Variants in TMEM132C observed in about 807,000 individuals in gnomAD.
TMEM132C encodes transmembrane protein 132C, also known as protein phosphatase 1, regulatory subunit 152.
Under a neutral mutation model 61.4 loss-of-function variants are expected in TMEM132C, and 29 were observed. The ratio of observed to expected loss-of-function variants is 0.47; its 90% CI spans 0.35 to 0.64. TMEM132C has a LOEUF of 0.64. Among genes scored for constraint, TMEM132C ranks in the 30% least tolerant of loss-of-function variants. TMEM132C has a pLI of 0.00. For synonymous variants in TMEM132C, 656 were observed against 633.1 expected, an observed-to-expected ratio of 1.04 and a Z score of -0.54; for missense variants, 1,408 against 1,476.9, an observed-to-expected ratio of 0.95 and a Z score of 0.76.
chr12:128,478,217 G>A (rs891485977), intron 2 of TMEM132C, among the ~76,000 whole-genome samples: 3 of 152,280 alleles, frequency 2.0e-5, no homozygotes, highest in Admixed American at 6.5e-5. Context: ...ATGCTCATTC[G>A]AGATGATTAT....
At position 128,429,515 on chromosome 12, in the gene TMEM132C, G is replaced by A. The variant is rs1435739255; in HGVS notation, c.974+13895G>A. On this transcript the variant is annotated intron_variant, in intron 2 of 8. Coordinates refer to ENST00000435159, the MANE Select transcript of TMEM132C (RefSeq NM_001136103.3). ...AGAGCTCTCTGCTGGGAACCTGGCA[G>A]CCTTTCCTGACAATGCAAGGAGCTC... is the stretch of plus-strand genomic sequence containing the variant. Among the ~76,000 whole-genome samples, 3 of 152,156 alleles carry A rather than the reference G, an allele frequency of 2.0e-5. No homozygotes were observed. In the East Asian group the frequency reaches 5.8e-4, roughly 29 times the overall value.
chr12:128,705,759 C>T lies in TMEM132C; in HGVS notation c.2791C>T (p.Leu931=). Residue 931 remains leucine, a synonymous_variant, in exon 9 of 9, where the codon CTG becomes TTG. Transcript: ENST00000435159. ...SDLEIGMYAL[L]GVFCLAILVF... is the part of the protein sequence containing the mutation. ...TCTGGAGATAGGGATGTACGCCCTC[C>T]TGGGGGTGTTCTGCCTGGCCATCCT... is the stretch of plus-strand genomic sequence containing the variant. 1.3e-6 allele frequency: 2 copies of T among 1,551,506 alleles called. No individual in the cohort carries two copies. Among genetic ancestry groups the T allele is most frequent in the Non-Finnish European group, 1.7e-6 (2 of 1,147,002 alleles).
intron 2 of TMEM132C, among the ~76,000 whole-genome samples, chr12:128,520,025 C>T (rs928426939): frequency 1.3e-5 from 2 of 152,224 alleles, no homozygotes; most frequent in African/African-American, 4.8e-5. Context: ...ACTTAAGCCC[C>T]TCTCATATCA....
rs986648893 is a variant in TMEM132C, at chr12:128,663,948, G to GCA, written c.1306-5460_1306-5459dup. ...TGCACGCACGCGGACACTCACACAG[G>GCA]CACACACACATACAGGCACATGCAC... On this transcript the variant is annotated intron_variant, in intron 4 of 8. Coordinates refer to ENST00000435159, the MANE Select transcript of TMEM132C (RefSeq NM_001136103.3). Among the ~76,000 whole-genome samples the GCA allele has an allele frequency of 8.8e-3, 781 of 89,112 alleles. 12 individuals are homozygous for GCA. The highest frequency in any genetic ancestry group is 0.03 in the African/African-American group (698 of 23,228). The allele number at this position is 89,112 out of a possible 152,430, so 58.5% of individuals were successfully genotyped here. A position where few individuals can be genotyped will look rare whatever the true frequency, so the allele number is the denominator to read the frequency against.
chr12:128,590,850 C>T (rs1401628434), intron 3 of TMEM132C, among the ~76,000 whole-genome samples: 2 of 152,174 alleles, frequency 1.3e-5, no homozygotes, highest in Admixed American at 1.3e-4. Flanking sequence ...CATCACAGCT[C>T]ATTGCAGCCC....
chr12:128,279,640 G>A (rs983242400), intron 1 of TMEM132C, among the ~76,000 whole-genome samples: 2 of 152,168 alleles, frequency 1.3e-5, no homozygotes, highest in African/African-American at 2.4e-5. Flanking sequence ...CTTTGCACAT[G>A]CCTACTGTGG....
chr12:128,571,377 A>G (rs769068492), intron 3 of TMEM132C, among the ~76,000 whole-genome samples: 24 of 152,250 alleles, frequency 1.6e-4, no homozygotes, highest in Non-Finnish European at 2.6e-4. Context: ...TTTTTAATGA[A>G]TATTTTTATT....
chr12:128,622,380 T>A (rs866378998), intron 4 of TMEM132C, among the ~76,000 whole-genome samples: 5,723 of 99,922 alleles, frequency 0.057, 632 homozygotes, highest in Non-Finnish European at 0.081. Flanking sequence ...TATATATATA[T>A]ATATATATAT....
chr12:128,598,467 G>GAAGA (rs376301917), intron 3 of TMEM132C, among the ~76,000 whole-genome samples: 237 of 152,114 alleles, frequency 1.6e-3, no homozygotes, highest in African/African-American at 5.5e-3. Flanking sequence ...AATGAGTGTG[G>GAAGA]AAGACAGCTC....
intron 4 of TMEM132C, among the ~76,000 whole-genome samples, chr12:128,631,512 G>A (rs1233639410): frequency 6.6e-6 from 1 of 152,138 alleles, no homozygotes; most frequent in Non-Finnish European, 1.5e-5. Context: ...TTTTCAGATT[G>A]TGTGAAATCT....
intron 1 of TMEM132C, among the ~76,000 whole-genome samples, chr12:128,403,060 T>G (rs1875224199): frequency 6.6e-6 from 1 of 152,214 alleles, no homozygotes; most frequent in African/African-American, 2.4e-5. Context: ...CAAACCGCGC[T>G]ATGTAATTTC....
chr12:128,636,560 TTGTTTGTGTG>T (rs367551514), intron 4 of TMEM132C, among the ~76,000 whole-genome samples: 3 of 100,680 alleles, frequency 3.0e-5, no homozygotes, highest in African/African-American at 1.4e-4. Flanking sequence ...TTTTGGGTTT[TTGTTTGTGTG>T]TGTGTGTGTG....
chr12:128,501,276 A>C (rs1177192660), intron 2 of TMEM132C, among the ~76,000 whole-genome samples: 4 of 152,188 alleles, frequency 2.6e-5, no homozygotes, highest in Non-Finnish European at 4.4e-5. Flanking sequence ...CGAGATAGTC[A>C]ATCTAGAATG....
At chr12:128,505,321 A>G (rs972162950) in intron 2 of TMEM132C, among the ~76,000 whole-genome samples, 3 of 152,164 alleles carry the variant, frequency 2.0e-5, no homozygotes, top group Non-Finnish European at 4.4e-5. Flanking sequence ...TCTTCCCTCC[A>G]TGCTCCTACA....
chr12:128,665,451 GCACT>G (rs1425611106), intron 4 of TMEM132C, among the ~76,000 whole-genome samples: 2 of 125,762 alleles, frequency 1.6e-5, no homozygotes, highest in African/African-American at 6.2e-5. Context: ...ATACACGTAG[GCACT>G]CACACACACA....
chr12:128,333,317 T>A (rs536480077), intron 1 of TMEM132C, among the ~76,000 whole-genome samples: 14 of 152,062 alleles, frequency 9.2e-5, no homozygotes, highest in African/African-American at 2.6e-4. Flanking sequence ...TGTGTATGTA[T>A]GTGTGTGCGA....
At chr12:128,286,977 A>G (rs957003665) in intron 1 of TMEM132C, among the ~76,000 whole-genome samples, 1 of 152,228 alleles carries the variant, frequency 6.6e-6, no homozygotes, top group Non-Finnish European at 1.5e-5. Context: ...ATCTCTGCCA[A>G]ATGATGCTGC....
At chr12:128,554,070 A>G (rs1323967343) in intron 3 of TMEM132C, among the ~76,000 whole-genome samples, 1 of 152,172 alleles carries the variant, frequency 6.6e-6, no homozygotes, top group Non-Finnish European at 1.5e-5. Context: ...AACCTTACTC[A>G]AGGGATGCAC....
intron 5 of TMEM132C, among the ~76,000 whole-genome samples, chr12:128,674,431 C>A (rs1268973253): frequency 1.3e-5 from 2 of 152,172 alleles, no homozygotes; most frequent in Non-Finnish European, 2.9e-5. Flanking sequence ...ACATTCACGC[C>A]TTTGTGTGGA....
Sources: gnomAD v4.1 joint callset for allele counts (sites outside exome capture counted in the v4.1 genomes callset) on GRCh38, gnomAD v4.1.1 for gene constraint, MANE v1.5 for transcripts, NCBI Gene and HGNC (gene_info 2026-07-23, HGNC 2026-07-21) for gene names.